The following VPS37A variants were observed in gnomAD, a reference collection of about 807,000 sequenced individuals.
The protein encoded by VPS37A is vacuolar protein sorting-associated protein 37A.
Under a neutral mutation model 49.8 loss-of-function variants are expected in VPS37A, and 30 were observed. That is an observed-to-expected ratio of 0.60 (90% confidence interval 0.45 to 0.82). VPS37A has a LOEUF of 0.82. Among genes scored for constraint, VPS37A ranks in the 40% least tolerant of loss-of-function variants. The probability of loss-of-function intolerance (pLI) is 0.00; values close to 1 mark genes in which losing one functional copy is unlikely to be tolerated. For synonymous variants in VPS37A, 195 were observed against 160.6 expected (o/e 1.21, Z -1.62); for missense variants, 593 against 464.4 (o/e 1.28, Z -2.55).
chr8:17,263,059 C>CAA (rs11311080), intron 1 of VPS37A, among the ~76,000 whole-genome samples: 3 of 92,626 alleles, frequency 3.2e-5, no homozygotes. Flanking sequence ...AACCCCATCT[C>CAA]AAAAAAAAAA....
chr8:17,312,445 C>A, the VPS37A span, among the ~76,000 whole-genome samples: 1 of 151,902 alleles, frequency 6.6e-6, no homozygotes, highest in African/African-American at 2.4e-5. Flanking sequence ...CATAGTGGCG[C>A]GTGCCAGTAA....
chr8:17,322,933 A>G, the VPS37A span, among the ~76,000 whole-genome samples: 3 of 146,148 alleles, frequency 2.1e-5, no homozygotes, highest in African/African-American at 7.7e-5. Context: ...CCTCCCATCT[A>G]GAGTGGATTG....
downstream of VPS37A, among the ~76,000 whole-genome samples, chr8:17,304,966 G>A (rs907419658): frequency 6.6e-6 from 1 of 152,096 alleles, no homozygotes; most frequent in Non-Finnish European, 1.5e-5. Context: ...TAGCTAGTAA[G>A]TGGAAAAGCC....
rs1816748217 is a variant in VPS37A at position 17,297,366 on chromosome 8, A to G, written c.*2380A>G. 6.6e-6 allele frequency: 1 copy of G among 152,098 alleles called. No homozygotes were observed. Among genetic ancestry groups the G allele is most frequent in the South Asian group, 2.1e-4 (1 of 4,832 alleles). 9.4% of individuals were successfully genotyped at this position (152,098 alleles called of 1,614,324 possible). On this transcript the variant is annotated 3_prime_UTR_variant, in exon 12 of 12. Coordinates refer to ENST00000324849, the MANE Select transcript of VPS37A (RefSeq NM_152415.3). ...TTGAGACTAGGAAATTTATATCAGA[A>G]TAGAGGGTGCTTGACACATATATAT...
At chr8:17,312,147 A>G in the VPS37A span, among the ~76,000 whole-genome samples, 6 of 152,386 alleles carry the variant, frequency 3.9e-5, no homozygotes, top group South Asian at 4.1e-4. Flanking sequence ...TAAGAAAAGA[A>G]TATCTATTTG....
chr8:17,303,626 T>A (rs1817268080), downstream of VPS37A, among the ~76,000 whole-genome samples: 1 of 119,736 alleles, frequency 8.4e-6, no homozygotes, highest in Non-Finnish European at 1.7e-5. Flanking sequence ...TTTTTTTTTT[T>A]GAGATGGAGT....
At chr8:17,294,338 T>G (rs1450166081) in intron 11 of VPS37A, among the ~76,000 whole-genome samples, 1 of 152,182 alleles carries the variant, frequency 6.6e-6, no homozygotes, top group South Asian at 2.1e-4. Flanking sequence ...GACCTCAGAC[T>G]GCTATGCTGG....
chr8:17,273,911 C>T (rs989566211), intron 4 of VPS37A, among the ~76,000 whole-genome samples: 6 of 152,164 alleles, frequency 3.9e-5, no homozygotes, highest in Non-Finnish European at 8.8e-5. Context: ...AGTAGCATTA[C>T]ATTAATATTT....
At chr8:17,272,987 C>A (rs1586002862) in intron 4 of VPS37A, among the ~76,000 whole-genome samples, 1 of 144,518 alleles carries the variant, frequency 6.9e-6, no homozygotes, top group Non-Finnish European at 1.5e-5. Flanking sequence ...GTATTTTCCC[C>A]CTTTTTTATA....
At chr8:17,249,642 A>G (rs1243332520) in intron 1 of VPS37A, among the ~76,000 whole-genome samples, 2 of 152,180 alleles carry the variant, frequency 1.3e-5, no homozygotes, top group African/African-American at 4.8e-5. Context: ...TTAAATAATG[A>G]CATATATTTG....
chr8:17,318,622 A>G, the VPS37A span, among the ~76,000 whole-genome samples: 2 of 152,230 alleles, frequency 1.3e-5, no homozygotes, highest in South Asian at 4.1e-4. Flanking sequence ...CATGTCAGCT[A>G]ATTCACAGCC....
At chr8:17,267,022 C>T (rs893545099) in intron 2 of VPS37A, among the ~76,000 whole-genome samples, 3 of 152,092 alleles carry the variant, frequency 2.0e-5, no homozygotes, top group African/African-American at 4.8e-5. Context: ...ACACCCGCCT[C>T]GGCCTCCCAA....
At chr8:17,324,026 T>C in the VPS37A span, among the ~76,000 whole-genome samples, 1 of 152,188 alleles carries the variant, frequency 6.6e-6, no homozygotes, top group African/African-American at 2.4e-5. Context: ...AACCTTCTTT[T>C]CTTTTGTCCC....
chr8:17,302,424 G>T, downstream of VPS37A: 2 of 828,384 alleles, frequency 2.4e-6, no homozygotes, highest in Non-Finnish European at 1.8e-6. Flanking sequence ...ACTACTTAAG[G>T]TAATAATTTC....
At chr8:17,326,208 A>C in the VPS37A span, 1 of 152,202 alleles carries the variant, frequency 6.6e-6, no homozygotes, top group Non-Finnish European at 1.5e-5. Flanking sequence ...ACTCACAGTA[A>C]GTAGGTAAAA....
the VPS37A span, among the ~76,000 whole-genome samples, chr8:17,316,782 G>A: frequency 1.3e-5 from 2 of 152,150 alleles, no homozygotes; most frequent in African/African-American, 4.8e-5. Context: ...ATATATGGGA[G>A]GATGTGCATA....
At position 17,265,907 on chromosome 8, in the gene VPS37A, T is replaced by C; in HGVS notation, c.126T>C (p.Ser42=). The C allele has an allele frequency of 6.2e-7, 1 of 1,613,418 alleles. No individual in the cohort carries two copies. Among genetic ancestry groups the C allele is most frequent in the South Asian group, 1.1e-5 (1 of 91,024 alleles). Residue 42 remains serine (S), a splice_region_variant and synonymous_variant, in exon 2 of 12, where the codon AGT becomes AGC. Transcript: ENST00000324849. ...LIESLRNSHS[S]IAEIQKDVEY... is the part of the protein sequence containing the mutation. Reference sequence around the variant, plus strand: ...AATTTTTTAAAATTTTCTCCTGCAGTATAGCCGAAATACAGAAAGATGTGG... The same window carrying C: ...AATTTTTTAAAATTTTCTCCTGCAGCATAGCCGAAATACAGAAAGATGTGG...
intron 1 of VPS37A, chr8:17,247,858 C>G: frequency 1.5e-6 from 1 of 676,052 alleles, no homozygotes; most frequent in South Asian, 1.6e-5. Context: ...GTCTGAGAGT[C>G]ACTTATCACG....
the VPS37A span, among the ~76,000 whole-genome samples, chr8:17,331,757 C>G: frequency 6.6e-6 from 1 of 152,158 alleles, no homozygotes. Context: ...TTGCATCATT[C>G]TAATTTGCCC....
Sources: allele counts gnomAD v4.1 joint callset (sites outside exome capture counted in the v4.1 genomes callset), GRCh38; gene constraint gnomAD v4.1.1; transcripts MANE v1.5; gene names NCBI Gene and HGNC (gene_info 2026-07-23, HGNC 2026-07-21).